NELL2: variants seen among roughly 807,000 people sequenced by gnomAD.
NELL2 encodes the protein neural EGFL like 2.
In NELL2, 41 loss-of-function variants were observed where a neutral mutation model predicts 109.6. That is an observed-to-expected ratio of 0.37 (90% CI 0.29 to 0.49). The LOEUF is 0.49. Ranked by LOEUF, NELL2 falls within the 20% of genes least tolerant of loss-of-function variation. The pLI is 0.98. For missense variants in NELL2, 900 were observed against 1,008.3 expected, an observed-to-expected ratio of 0.89 and a Z score of 1.45; for synonymous variants, 355 against 344.7, an observed-to-expected ratio of 1.03 and a Z score of -0.33.
intron 2 of NELL2, among the ~76,000 whole-genome samples, chr12:44,851,190 G>GT (rs1944525238): frequency 6.6e-6 from 1 of 151,972 alleles, no homozygotes; most frequent in South Asian, 2.1e-4. Context: ...AATCCATCTG[G>GT]TCAACACACT....
chr12:44,884,946 A>G (rs1945453393), intron 1 of NELL2, among the ~76,000 whole-genome samples: 1 of 152,038 alleles, frequency 6.6e-6, no homozygotes, highest in South Asian at 2.1e-4. Flanking sequence ...GCAACATTGT[A>G]TTGGAGATTA....
At chr12:44,525,952 G>A (rs1476874963) in intron 16 of NELL2, among the ~76,000 whole-genome samples, 8 of 152,138 alleles carry the variant, frequency 5.3e-5, no homozygotes, top group Admixed American at 2.0e-4. Context: ...AGGCAAGAGC[G>A]TGCTTGAAGG....
chr12:44,552,016 C>G (rs1592106344), intron 15 of NELL2, among the ~76,000 whole-genome samples: 1 of 152,042 alleles, frequency 6.6e-6, no homozygotes, highest in East Asian at 1.9e-4. Flanking sequence ...GAGACTGGTC[C>G]CAGAAAAATG....
intron 15 of NELL2, among the ~76,000 whole-genome samples, chr12:44,553,696 C>T (rs1319350272): frequency 2.0e-5 from 3 of 151,846 alleles, no homozygotes; most frequent in African/African-American, 7.3e-5. Context: ...CATGTACCCC[C>T]AAATATGCAC....
At chr12:44,750,788 T>C (rs1244154436) in intron 9 of NELL2, among the ~76,000 whole-genome samples, 3 of 152,064 alleles carry the variant, frequency 2.0e-5, no homozygotes, top group Non-Finnish European at 2.9e-5. Flanking sequence ...AAACATATTT[T>C]AAATGGAAAA....
chr12:44,899,304 C>A (rs1945632051), intron 1 of NELL2, among the ~76,000 whole-genome samples: 1 of 152,072 alleles, frequency 6.6e-6, no homozygotes, highest in Admixed American at 6.6e-5. Context: ...CCCAAAGACA[C>A]ATAATTGTCA....
intron 13 of NELL2, among the ~76,000 whole-genome samples, chr12:44,643,478 C>T (rs758220609): frequency 2.6e-5 from 4 of 151,882 alleles, no homozygotes; most frequent in African/African-American, 4.8e-5. Flanking sequence ...AAAATATTAA[C>T]GAGGTTCAGA....
At chr12:44,732,246 G>T (rs1018167142) in intron 9 of NELL2, among the ~76,000 whole-genome samples, 47 of 151,962 alleles carry the variant, frequency 3.1e-4, no homozygotes, top group African/African-American at 1.1e-3. Flanking sequence ...AGCCATAAAG[G>T]ACCCTAAATA....
chr12:44,877,985 G>A (rs2136853894), upstream of NELL2, among the ~76,000 whole-genome samples: 1 of 152,270 alleles, frequency 6.6e-6, no homozygotes, highest in South Asian at 2.1e-4. Context: ...ATTGTAATAA[G>A]TATCTACAGA....
At chr12:44,697,295 G>A (rs566650945) in intron 12 of NELL2, among the ~76,000 whole-genome samples, 13 of 152,284 alleles carry the variant, frequency 8.5e-5, no homozygotes, top group South Asian at 4.1e-4. Flanking sequence ...CAGCCCAGGG[G>A]ACAAGGCAGG....
At chr12:44,604,587 C>G (rs1447939821) in intron 15 of NELL2, among the ~76,000 whole-genome samples, 1 of 152,040 alleles carries the variant, frequency 6.6e-6, no homozygotes, top group South Asian at 2.1e-4. Context: ...TGTACTGTTT[C>G]GTGATGATAC....
intron 13 of NELL2, among the ~76,000 whole-genome samples, chr12:44,624,700 A>T (rs1002401251): frequency 2.0e-5 from 3 of 152,108 alleles, no homozygotes; most frequent in African/African-American, 7.2e-5. Flanking sequence ...ATTTGCAGTT[A>T]TCAAAATATA....
At chr12:44,681,343 T>G (rs910673174) in intron 12 of NELL2, among the ~76,000 whole-genome samples, 4 of 149,938 alleles carry the variant, frequency 2.7e-5, no homozygotes, top group Admixed American at 2.7e-4. Flanking sequence ...TTTTAAGAGC[T>G]TCTTAAAAGC....
intron 1 of NELL2, among the ~76,000 whole-genome samples, chr12:44,895,533 C>A (rs1241360336): frequency 2.0e-5 from 3 of 152,018 alleles, no homozygotes; most frequent in Admixed American, 6.6e-5. Context: ...CATGGAGGAA[C>A]CATTTGGTTA....
intron 1 of NELL2, among the ~76,000 whole-genome samples, chr12:44,897,463 G>A (rs1301470091): frequency 3.9e-5 from 6 of 152,004 alleles, no homozygotes; most frequent in South Asian, 2.1e-4. Context: ...TGCAGCCCAC[G>A]GAGGGCAAGC....
In NELL2 at chr12:44,875,268, C is replaced by T; in HGVS notation, c.141G>A (p.Gln47=). The change falls in exon 2 of 20, where the codon CAG becomes CAA. Residue 47 remains glutamine, a synonymous_variant. Transcript: ENST00000429094. ...ELGESTTGVR[Q]VPGLHNGTKA... ...TCGTCCCATTATGCAGCCCCGGGAC[C>T]TGACGCACTCCGGTCGTGGACTCCC... 1 of 1,614,152 alleles carries T rather than the reference C, an allele frequency of 6.2e-7. No homozygotes were observed. The highest frequency in any genetic ancestry group is 8.5e-7 in the Non-Finnish European group (1 of 1,180,042).
chr12:44,763,892 C>T (rs1341916834), intron 9 of NELL2, among the ~76,000 whole-genome samples: 3 of 152,082 alleles, frequency 2.0e-5, no homozygotes, highest in East Asian at 3.9e-4. Context: ...AAGACTTCAT[C>T]GTATTTGGAG....
At chr12:44,811,056 C>T (rs12311913) in intron 3 of NELL2, among the ~76,000 whole-genome samples, 2 of 151,978 alleles carry the variant, frequency 1.3e-5, no homozygotes, top group Non-Finnish European at 2.9e-5. Context: ...AGCCATTATT[C>T]TCAGCAAACT....
At chr12:44,918,760 C>G (rs1945847533), upstream of NELL2, among the ~76,000 whole-genome samples, 3 of 152,086 alleles carry the variant, frequency 2.0e-5, no homozygotes, top group Admixed American at 1.3e-4. Flanking sequence ...CTGAAACGAG[C>G]CTTTCTATTA....
Sources: gnomAD v4.1 joint callset for allele counts (sites outside exome capture counted in the v4.1 genomes callset) on GRCh38, gnomAD v4.1.1 for gene constraint, MANE v1.5 for transcripts, NCBI Gene and HGNC (gene_info 2026-07-23, HGNC 2026-07-21) for gene names.